ASB7: variants seen among roughly 807,000 people sequenced by gnomAD.
ASB7 encodes the protein ankyrin repeat and SOCS box containing 7, also known as ankyrin repeat and SOCS box protein 7.
Under a neutral mutation model 32.5 loss-of-function variants are expected in ASB7, and 4 were observed. The ratio of observed to expected loss-of-function variants is 0.12; its 90% CI spans 0.06 to 0.28. The LOEUF is 0.28. Ranked by LOEUF, ASB7 falls within the 10% of genes least tolerant of loss-of-function variation. ASB7 has a pLI of 1.00. For missense variants in ASB7, 181 were observed against 407.1 expected, an observed-to-expected ratio of 0.44 and a Z score of 4.78; for synonymous variants, 172 against 155.6, an observed-to-expected ratio of 1.11 and a Z score of -0.78.
chr15:100,651,055 G>A lies in ASB7; in HGVS notation c.*2593G>A, dbSNP rs1452140302. ...TTTCAAATTTGTCAGATTCTTTTAT[G>A]TTTCCTTTGAAATTTATTATTTAAG... On this transcript the variant is annotated 3_prime_UTR_variant, in exon 6 of 6. Transcript: ENST00000332783. 1 of 152,116 alleles carries A rather than the reference G, an allele frequency of 6.6e-6. No individual in the cohort carries two copies. Among genetic ancestry groups the A allele is most frequent in the East Asian group, 1.9e-4 (1 of 5,194 alleles). The allele number at this position is 152,116 out of a possible 1,614,324, so 9.4% of individuals were successfully genotyped here.
chr15:100,646,259 A>C, intron 5 of ASB7: 1 of 396,848 alleles, frequency 2.5e-6, no homozygotes, highest in South Asian at 2.2e-5. Context: ...ACAATTGTCA[A>C]TGTTGACTTT....
At chr15:100,643,370 G>A (rs1213649365) in intron 5 of ASB7, among the ~76,000 whole-genome samples, 1 of 151,722 alleles carries the variant, frequency 6.6e-6, no homozygotes, top group Admixed American at 6.6e-5. Context: ...GGAAAGGCAT[G>A]AGAGATAGGA....
intron 2 of ASB7, among the ~76,000 whole-genome samples, chr15:100,608,588 T>C (rs1447152844): frequency 6.6e-6 from 1 of 152,230 alleles, no homozygotes; most frequent in Non-Finnish European, 1.5e-5. Flanking sequence ...CCTTGCTTTC[T>C]GGCACCGTGT....
At chr15:100,641,255 C>T (rs192644372) in intron 5 of ASB7, among the ~76,000 whole-genome samples, 1 of 152,290 alleles carries the variant, frequency 6.6e-6, no homozygotes, top group Admixed American at 6.5e-5. Context: ...TTGTTGAATA[C>T]ATACAGCATT....
chr15:100,618,066 C>T (rs1403458653), intron 4 of ASB7, among the ~76,000 whole-genome samples: 1 of 152,162 alleles, frequency 6.6e-6, no homozygotes, highest in Non-Finnish European at 1.5e-5. Context: ...GCAGTCCTCC[C>T]ACCTCAGCCG....
chr15:100,606,220 C>T (rs970231288), intron 2 of ASB7, among the ~76,000 whole-genome samples: 1 of 151,792 alleles, frequency 6.6e-6, no homozygotes, highest in South Asian at 2.1e-4. Context: ...CCAATGTCGT[C>T]GGAGTTGCTG....
At chr15:100,640,756 G>A (rs1163920666) in intron 5 of ASB7, among the ~76,000 whole-genome samples, 1 of 152,102 alleles carries the variant, frequency 6.6e-6, no homozygotes, top group Non-Finnish European at 1.5e-5. Context: ...CATAAAAACG[G>A]TAATGGCGAT....
intron 4 of ASB7, among the ~76,000 whole-genome samples, chr15:100,621,312 C>T (rs556529850): frequency 1.1e-3 from 162 of 152,124 alleles, no homozygotes; most frequent in African/African-American, 3.7e-3. Flanking sequence ...TTCACCTTTC[C>T]GAATGTCATG....
intron 2 of ASB7, among the ~76,000 whole-genome samples, chr15:100,609,174 A>G (rs1048097031): frequency 6.6e-6 from 1 of 152,240 alleles, no homozygotes; most frequent in Non-Finnish European, 1.5e-5. Context: ...TGCATAAAGG[A>G]ATAACAATTT....
intron 5 of ASB7, among the ~76,000 whole-genome samples, chr15:100,633,010 C>A (rs1323619039): frequency 6.6e-6 from 1 of 151,868 alleles, no homozygotes; most frequent in Non-Finnish European, 1.5e-5. Context: ...ACCTCAGAAC[C>A]TCCCCCTTCC....
At chr15:100,643,871 A>G (rs1310047024) in intron 5 of ASB7, among the ~76,000 whole-genome samples, 1 of 152,018 alleles carries the variant, frequency 6.6e-6, no homozygotes, top group Non-Finnish European at 1.5e-5. Context: ...ATACGTTTTC[A>G]TTTAAGTATG....
At chr15:100,628,533 G>A (rs2039859337) in intron 4 of ASB7, among the ~76,000 whole-genome samples, 1 of 152,142 alleles carries the variant, frequency 6.6e-6, no homozygotes, top group Admixed American at 6.5e-5. Context: ...TGGAATTGCT[G>A]ACTTCTAGGA....
At chr15:100,604,197 A>G (rs539525412) in intron 2 of ASB7, among the ~76,000 whole-genome samples, 1 of 152,348 alleles carries the variant, frequency 6.6e-6, no homozygotes, top group East Asian at 1.9e-4. Context: ...AGTTTGCTGG[A>G]TTGAAATTTA....
At chr15:100,621,348 T>C (rs1478135821) in intron 4 of ASB7, among the ~76,000 whole-genome samples, 1 of 152,204 alleles carries the variant, frequency 6.6e-6, no homozygotes, top group Non-Finnish European at 1.5e-5. Flanking sequence ...AAGCCTACCT[T>C]TCATTGTATA....
At chr15:100,623,017 A>G (rs2039807037) in intron 4 of ASB7, among the ~76,000 whole-genome samples, 1 of 152,238 alleles carries the variant, frequency 6.6e-6, no homozygotes, top group Non-Finnish European at 1.5e-5. Context: ...ATGGGAGAAA[A>G]TATTTGCAAA....
chr15:100,640,977 T>A (rs557520351), intron 5 of ASB7, among the ~76,000 whole-genome samples: 3 of 152,218 alleles, frequency 2.0e-5, no homozygotes, highest in Non-Finnish European at 4.4e-5. Context: ...GAATACCTGG[T>A]AGTTTTTTGT....
At chr15:100,623,680 CAAAT>C (rs796439537) in intron 4 of ASB7, among the ~76,000 whole-genome samples, 23 of 151,556 alleles carry the variant, frequency 1.5e-4, no homozygotes, top group African/African-American at 4.9e-4. Flanking sequence ...GGACATTTCT[CAAAT>C]AAACTAAAAA....
At chr15:100,608,659 G>A (rs1463261941) in intron 2 of ASB7, among the ~76,000 whole-genome samples, 1 of 152,110 alleles carries the variant, frequency 6.6e-6, no homozygotes, top group Admixed American at 6.5e-5. Flanking sequence ...TTCACAGCTT[G>A]CTTTGTAGGA....
intron 3 of ASB7, among the ~76,000 whole-genome samples, chr15:100,611,663 A>G (rs1007011625): frequency 2.0e-5 from 3 of 150,130 alleles, no homozygotes; most frequent in Non-Finnish European, 4.4e-5. Flanking sequence ...TATTTTTGGT[A>G]GAGACAGGGT....
Sources: allele counts gnomAD v4.1 joint callset (sites outside exome capture counted in the v4.1 genomes callset), GRCh38; gene constraint gnomAD v4.1.1; transcripts MANE v1.5; gene names NCBI Gene and HGNC (gene_info 2026-07-23, HGNC 2026-07-21).